Variants in TDRD3 observed in about 807,000 individuals in gnomAD.
TDRD3 encodes tudor domain containing 3, also known as tudor domain-containing protein 3.
Under a neutral mutation model 86.7 loss-of-function variants are expected in TDRD3, and 45 were observed. The observed-to-expected ratio is 0.52, with a 90% CI of 0.41 to 0.67. The LOEUF (loss-of-function observed/expected upper bound fraction) is 0.67. Among genes scored for constraint, TDRD3 ranks in the 30% least tolerant of loss-of-function variants. TDRD3 has a pLI of 0.00. For missense variants in TDRD3, 814 were observed against 889.0 expected (o/e 0.92, Z 1.07); for synonymous variants, 298 against 301.7 (o/e 0.99, Z 0.13).
At chr13:60,433,539 A>G (rs1189367848) in intron 1 of TDRD3, among the ~76,000 whole-genome samples, 6 of 152,216 alleles carry the variant, frequency 3.9e-5, no homozygotes, top group Non-Finnish European at 8.8e-5. Context: ...TTGGCTATGA[A>G]TGTTATACTA....
intron 5 of TDRD3, among the ~76,000 whole-genome samples, chr13:60,482,190 G>A (rs1956331876): frequency 6.6e-6 from 1 of 152,134 alleles, no homozygotes; most frequent in Admixed American, 6.6e-5. Context: ...TATTATGACA[G>A]GTTCTTCTTT....
chr13:60,509,920 G>A lies in TDRD3; in HGVS notation c.1015+1G>A. ...CCTGTTATGGGTCCTCCTCTGAGAG[G>A]TATAATTTATTAAGCAGTGTGCCAG... On this transcript the variant is annotated splice_donor_variant, in intron 9 of 13. Coordinates refer to ENST00000377881, the MANE Select transcript of TDRD3 (RefSeq NM_001146070.2). LOFTEE classifies it high-confidence loss of function. The A allele has an allele frequency of 6.2e-7, 1 of 1,612,586 alleles. No homozygotes were observed. The highest frequency in any genetic ancestry group is 1.1e-5 in the South Asian group (1 of 90,826).
At chr13:60,453,878 C>T (rs572812727) in intron 3 of TDRD3, among the ~76,000 whole-genome samples, 1 of 152,166 alleles carries the variant, frequency 6.6e-6, no homozygotes, top group Admixed American at 6.5e-5. Flanking sequence ...ATATAAAAGA[C>T]AACTTCTTAA....
rs147976370 is a variant in TDRD3 at position 60,400,611 on chromosome 13, C to T, written c.41+3206C>T. Among the ~76,000 whole-genome samples, 1,091 of 152,046 alleles carry T rather than the reference C, an allele frequency of 7.2e-3. 9 individuals are homozygous for T. Among genetic ancestry groups the T allele is most frequent in the Middle Eastern group, 0.024 (7 of 294 alleles). On this transcript the variant is annotated intron_variant, in intron 1 of 13. Coordinates refer to ENST00000377881, the MANE Select transcript of TDRD3 (RefSeq NM_001146070.2). ...AATTAGCCAGGCGTGGTGGCAGGCCCCTGTAATCCCAGCTACCTGGTGAGG... is the reference window on the plus strand; with the variant it reads ...AATTAGCCAGGCGTGGTGGCAGGCCTCTGTAATCCCAGCTACCTGGTGAGG...
At chr13:60,565,744 G>T (rs1253072885) in intron 12 of TDRD3, among the ~76,000 whole-genome samples, 2 of 152,026 alleles carry the variant, frequency 1.3e-5, no homozygotes, top group Admixed American at 1.3e-4. Flanking sequence ...ATAGTTTTCA[G>T]TTAATATGCA....
intron 7 of TDRD3, among the ~76,000 whole-genome samples, chr13:60,486,658 A>T (rs940243103): frequency 5.9e-5 from 9 of 152,144 alleles, no homozygotes; most frequent in African/African-American, 2.2e-4. Flanking sequence ...ATATACAATA[A>T]ATTATTGTTA....
intron 1 of TDRD3, among the ~76,000 whole-genome samples, chr13:60,422,464 G>A (rs1431047097): frequency 2.0e-5 from 3 of 152,086 alleles, no homozygotes; most frequent in East Asian, 3.9e-4. Context: ...CAAAACAACC[G>A]TGAACTATAA....
At chr13:60,438,368 T>C (rs1205728674) in intron 1 of TDRD3, among the ~76,000 whole-genome samples, 3 of 152,158 alleles carry the variant, frequency 2.0e-5, no homozygotes, top group Non-Finnish European at 2.9e-5. Context: ...CTACCATCTA[T>C]TCATTCTTAC....
At chr13:60,517,778 T>A (rs1326534646) in intron 10 of TDRD3, among the ~76,000 whole-genome samples, 2 of 152,252 alleles carry the variant, frequency 1.3e-5, no homozygotes, top group Non-Finnish European at 2.9e-5. Context: ...TTACCTTTAA[T>A]AGTTAATAGT....
intron 1 of TDRD3, among the ~76,000 whole-genome samples, chr13:60,429,814 CTT>C (rs1271102814): frequency 8.2e-6 from 1 of 121,980 alleles, no homozygotes; most frequent in African/African-American, 3.2e-5. Flanking sequence ...ATTTTATTCT[CTT>C]TCTTTCTCAT....
At chr13:60,445,663 G>A (rs369865030) in intron 3 of TDRD3, among the ~76,000 whole-genome samples, 2 of 152,112 alleles carry the variant, frequency 1.3e-5, no homozygotes, top group African/African-American at 4.8e-5. Flanking sequence ...TTTGCATTTC[G>A]AACAGTTTTC....
rs576826387 is a variant in TDRD3, at chr13:60,502,858, C to T, written c.859-6905C>T. On this transcript the variant is annotated intron_variant, in intron 8 of 13. Coordinates refer to ENST00000377881, the MANE Select transcript of TDRD3 (RefSeq NM_001146070.2). The stretch of plus-strand genomic sequence containing the variant: ...CCAGTCAAAGCCTTGATAAAATAAC[C>T]GGTTTTTCTAATTGTGTCCTGTTGC... Among the ~76,000 whole-genome samples, 8 of 152,258 alleles carry T rather than the reference C, an allele frequency of 5.3e-5. No homozygotes were observed. The South Asian group carries it at 6.2e-4, about 12-fold the overall frequency.
chr13:60,428,010 C>T (rs1033038680), intron 1 of TDRD3, among the ~76,000 whole-genome samples: 1 of 152,030 alleles, frequency 6.6e-6, no homozygotes, highest in African/African-American at 2.4e-5. Flanking sequence ...GCTGTTCTCC[C>T]TGCAGAGGCT....
intron 12 of TDRD3, among the ~76,000 whole-genome samples, chr13:60,540,484 A>C (rs1595091303): frequency 6.6e-6 from 1 of 152,320 alleles, no homozygotes; most frequent in Non-Finnish European, 1.5e-5. Flanking sequence ...CTGACACAGA[A>C]GGACAGAGCA....
chr13:60,412,698 C>T (rs182122842), intron 1 of TDRD3, among the ~76,000 whole-genome samples: 1 of 151,942 alleles, frequency 6.6e-6, no homozygotes, highest in Non-Finnish European at 1.5e-5. Flanking sequence ...ATTATATTGG[C>T]CAACTGCTTG....
chr13:60,446,525 CCTT>C lies in TDRD3; in HGVS notation c.192+1780_192+1782del, dbSNP rs538312416. 4.9e-4 allele frequency among the ~76,000 whole-genome samples: 75 copies of C among 152,154 alleles called. 1 individual carries two copies. In the Middle Eastern group the frequency reaches 0.01, roughly 21 times the overall value. ...TACAGGTGTGAGCCACTGTGCCTGG[CCTT>C]CTCACAGAATTATTCTTATATGTCA... On this transcript the variant is annotated intron_variant, in intron 3 of 13. Coordinates refer to ENST00000377881, the MANE Select transcript of TDRD3 (RefSeq NM_001146070.2).
chr13:60,422,640 A>G (rs776199378), intron 1 of TDRD3, among the ~76,000 whole-genome samples: 2 of 152,148 alleles, frequency 1.3e-5, no homozygotes, highest in African/African-American at 2.4e-5. Context: ...GGAAGAAAAT[A>G]TCAGAATTAT....
At chr13:60,401,873 A>G (rs1027266818) in intron 1 of TDRD3, among the ~76,000 whole-genome samples, 1 of 152,238 alleles carries the variant, frequency 6.6e-6, no homozygotes, top group Non-Finnish European at 1.5e-5. Flanking sequence ...CAACTAAGAA[A>G]GCCTACAGCT....
intron 12 of TDRD3, among the ~76,000 whole-genome samples, chr13:60,553,061 T>C (rs1485785415): frequency 6.6e-6 from 1 of 152,258 alleles, no homozygotes; most frequent in Non-Finnish European, 1.5e-5. Flanking sequence ...AAGTTACTTA[T>C]GCAAATTTCT....
Sources: allele counts gnomAD v4.1 joint callset (sites outside exome capture counted in the v4.1 genomes callset), GRCh38; gene constraint gnomAD v4.1.1; transcripts MANE v1.5; gene names NCBI Gene and HGNC (gene_info 2026-07-23, HGNC 2026-07-21).